The following CTIF variants were observed in gnomAD, a reference collection of about 807,000 sequenced individuals.
CTIF encodes the protein CBP80/20-dependent translation initiation factor.
CTIF carries 21 observed loss-of-function variants against 66.0 expected under a neutral mutation model. The observed-to-expected ratio is 0.32, with a 90% CI of 0.23 to 0.46. The LOEUF (loss-of-function observed/expected upper bound fraction) is 0.46, where lower values mean the gene tolerates loss of function less well. CTIF is among the 20% of genes least tolerant of loss of function. The probability of loss-of-function intolerance (pLI) is 1.00; values close to 1 mark genes in which losing one functional copy is unlikely to be tolerated. For missense variants in CTIF, 739 were observed against 812.7 expected, an observed-to-expected ratio of 0.91 and a Z score of 1.10; for synonymous variants, 345 against 326.4, an observed-to-expected ratio of 1.06 and a Z score of -0.62.
At chr18:48,833,401 G>A (rs2068737412) in intron 10 of CTIF, among the ~76,000 whole-genome samples, 2 of 152,196 alleles carry the variant, frequency 1.3e-5, no homozygotes, top group South Asian at 4.2e-4. Context: ...GATGAGTACA[G>A]ATAGTGTGGG....
intron 1 of CTIF, among the ~76,000 whole-genome samples, chr18:48,617,882 G>A (rs1254719584): frequency 1.3e-5 from 2 of 152,120 alleles, no homozygotes; most frequent in African/African-American, 2.4e-5. Flanking sequence ...GGCCCAGAGC[G>A]AGGCCCTGCA....
intron 9 of CTIF, among the ~76,000 whole-genome samples, chr18:48,771,433 G>T (rs1259872294): frequency 1.3e-5 from 2 of 152,306 alleles, no homozygotes; most frequent in Non-Finnish European, 2.9e-5. Flanking sequence ...CCACAAAAGG[G>T]AATGGCCTGG....
intron 6 of CTIF, among the ~76,000 whole-genome samples, chr18:48,685,910 C>T (rs2091833557): frequency 6.6e-6 from 1 of 152,168 alleles, no homozygotes; most frequent in East Asian, 1.9e-4. Context: ...CTCCTGACCT[C>T]AGGTGATACA....
chr18:48,714,977 T>C (rs1288754769), intron 7 of CTIF, among the ~76,000 whole-genome samples: 1 of 152,192 alleles, frequency 6.6e-6, no homozygotes, highest in Non-Finnish European at 1.5e-5. Context: ...AAGGTAAGTG[T>C]GGAGCACAGG....
At chr18:48,570,064 C>T (rs970267369) in intron 1 of CTIF, among the ~76,000 whole-genome samples, 6 of 152,164 alleles carry the variant, frequency 3.9e-5, no homozygotes, top group African/African-American at 1.4e-4. Flanking sequence ...GCTGCAAACA[C>T]GTGGCCACGT....
At chr18:48,760,024 C>G (rs947164729) in intron 8 of CTIF, among the ~76,000 whole-genome samples, 18 of 152,150 alleles carry the variant, frequency 1.2e-4, no homozygotes, top group African/African-American at 1.7e-4. Context: ...CTTTCCTTCT[C>G]TCTTTCAAGA....
At chr18:48,700,006 G>C (rs941934025) in intron 6 of CTIF, among the ~76,000 whole-genome samples, 1 of 152,202 alleles carries the variant, frequency 6.6e-6, no homozygotes, top group Admixed American at 6.5e-5. Flanking sequence ...TGCTGCTCTC[G>C]CCTTCACTGT....
At chr18:48,760,515 C>G (rs1360364154) in intron 8 of CTIF, 1 of 149,620 alleles carries the variant, frequency 6.7e-6, no homozygotes. Context: ...TCTGTGCCTT[C>G]TAGGCCAGAG....
intron 1 of CTIF, among the ~76,000 whole-genome samples, chr18:48,617,713 C>A (rs150151652): frequency 6.6e-6 from 1 of 152,230 alleles, no homozygotes; most frequent in Non-Finnish European, 1.5e-5. Context: ...ATAGCCCAAT[C>A]CCAGCTGACT....
At chr18:48,551,261 C>T (rs916134098) in intron 1 of CTIF, among the ~76,000 whole-genome samples, 8 of 151,862 alleles carry the variant, frequency 5.3e-5, no homozygotes, top group African/African-American at 1.9e-4. Flanking sequence ...GCCCTGCCAA[C>T]ACCTTGATCT....
chr18:48,819,331 TC>T (rs1336662049), intron 10 of CTIF, among the ~76,000 whole-genome samples: 1 of 152,156 alleles, frequency 6.6e-6, no homozygotes, highest in Non-Finnish European at 1.5e-5. Context: ...GCCTCTTGGG[TC>T]CTCCCATCCT....
At chr18:48,787,382 G>A (rs538759289) in intron 9 of CTIF, among the ~76,000 whole-genome samples, 42 of 152,260 alleles carry the variant, frequency 2.8e-4, no homozygotes, top group Non-Finnish European at 4.9e-4. Context: ...CAGGAGGAAG[G>A]GAGAGAAGGA....
At chr18:48,597,413 C>G (rs1041367619) in intron 1 of CTIF, among the ~76,000 whole-genome samples, 1 of 152,148 alleles carries the variant, frequency 6.6e-6, no homozygotes, top group South Asian at 2.1e-4. Flanking sequence ...AATATGATCT[C>G]CAGTGTTGGA....
At chr18:48,748,303 C>T (rs1346607550) in intron 7 of CTIF, among the ~76,000 whole-genome samples, 1 of 151,910 alleles carries the variant, frequency 6.6e-6, no homozygotes, top group African/African-American at 2.4e-5. Flanking sequence ...GTGCCCCCAG[C>T]AGGTGGGGGC....
intron 3 of CTIF, among the ~76,000 whole-genome samples, chr18:48,653,569 C>T (rs1339220023): frequency 6.6e-6 from 1 of 152,166 alleles, no homozygotes; most frequent in Non-Finnish European, 1.5e-5. Flanking sequence ...TTTATAGATT[C>T]AATGCCATCC....
At chr18:48,708,561 A>G (rs1330160979) in intron 6 of CTIF, among the ~76,000 whole-genome samples, 1 of 152,228 alleles carries the variant, frequency 6.6e-6, no homozygotes, top group African/African-American at 2.4e-5. Flanking sequence ...CCTAGATGCC[A>G]CATTGAGGCT....
At chr18:48,547,539 CGG>C (rs2088780741) in intron 1 of CTIF, among the ~76,000 whole-genome samples, 1 of 152,152 alleles carries the variant, frequency 6.6e-6, no homozygotes, top group South Asian at 2.1e-4. Flanking sequence ...TGCTTGTGGC[CGG>C]GAGTTTATTG....
At position 48,592,514 on chromosome 18, in the gene CTIF, G is replaced by GA. The variant is rs1172609697; in HGVS notation, c.-28-27019dup. Among the ~76,000 whole-genome samples, 65 of 140,704 alleles carry GA rather than the reference G, an allele frequency of 4.6e-4. 1 individual carries two copies. Among genetic ancestry groups the GA allele is most frequent in the African/African-American group, 1.8e-3 (65 of 36,812 alleles). 92.3% of individuals were successfully genotyped at this position (140,704 alleles called of 152,430 possible). ...CCCTGTCTCAAAAAAAAAAAAAAAA[G>GA]AAAAAGAAAAAGAAAACAGCTCTCC... On this transcript the variant is annotated intron_variant, in intron 1 of 11. Coordinates refer to ENST00000256413, the MANE Select transcript of CTIF (RefSeq NM_014772.3).
chr18:48,571,120 C>A (rs1019031353), intron 1 of CTIF, among the ~76,000 whole-genome samples: 1 of 152,164 alleles, frequency 6.6e-6, no homozygotes, highest in Non-Finnish European at 1.5e-5. Context: ...CCACCTACCC[C>A]CTTCCGTCTT....
Sources: allele counts gnomAD v4.1 joint callset (sites outside exome capture counted in the v4.1 genomes callset), GRCh38; gene constraint gnomAD v4.1.1; transcripts MANE v1.5; gene names NCBI Gene and HGNC (gene_info 2026-07-23, HGNC 2026-07-21).